Variants in IRAG2 observed in about 807,000 individuals in gnomAD.
IRAG2 encodes the protein inositol 1,4,5-triphosphate receptor associated 2, also known as lymphoid restricted membrane protein.
In IRAG2, 45 loss-of-function variants were observed where a neutral mutation model predicts 69.9. The ratio of observed to expected loss-of-function variants is 0.64; its 90% CI spans 0.51 to 0.83. The LOEUF (loss-of-function observed/expected upper bound fraction) is 0.83, where lower values mean the gene tolerates loss of function less well. Among genes scored for constraint, IRAG2 ranks in the 40% least tolerant of loss-of-function variants. The pLI, the probability that IRAG2 is intolerant of heterozygous loss-of-function variation, is 0.00. For synonymous variants in IRAG2, 193 were observed against 202.4 expected (o/e 0.95, Z 0.40); for missense variants, 520 against 587.0 (o/e 0.89, Z 1.18).
chr12:25,032,919 T>C (rs1312655054), intron 12 of IRAG2, among the ~76,000 whole-genome samples: 1 of 151,956 alleles, frequency 6.6e-6, no homozygotes, highest in Admixed American at 6.6e-5. Flanking sequence ...TTCCCTTGCT[T>C]GCTTTTCCCT....
chr12:25,056,471 TCTCA>T (rs1278908336), intron 1 of IRAG2, among the ~76,000 whole-genome samples: 3 of 152,298 alleles, frequency 2.0e-5, no homozygotes, highest in African/African-American at 2.4e-5. Flanking sequence ...AAACCTGTGT[TCTCA>T]CTCAAAGTCC....
intron 2 of IRAG2, among the ~76,000 whole-genome samples, chr12:25,062,201 G>A (rs1025590183): frequency 1.3e-5 from 2 of 152,160 alleles, no homozygotes; most frequent in African/African-American, 4.8e-5. Context: ...AAGGCAGCAA[G>A]GTTGGCACTG....
chr12:25,081,324 C>A (rs1274061279), intron 9 of IRAG2, among the ~76,000 whole-genome samples: 1 of 152,192 alleles, frequency 6.6e-6, no homozygotes, highest in Middle Eastern at 3.4e-3. Flanking sequence ...ATTAGCCAGG[C>A]GTGGTGGCGG....
chr12:25,102,073 G>A, intron 16 of IRAG2, 125 bp from the exon 17 acceptor site: 1 of 725,264 alleles, frequency 1.4e-6, no homozygotes, highest in South Asian at 1.5e-5. Context: ...TATTTATATT[G>A]CTCGGTAGTC....
the IRAG2 span, among the ~76,000 whole-genome samples, chr12:24,998,681 C>T: frequency 6.6e-6 from 1 of 151,688 alleles, no homozygotes; most frequent in African/African-American, 2.4e-5. Flanking sequence ...TATCTACACA[C>T]ATACTTAAAT....
At chr12:25,107,088 G>A in intron 21 of IRAG2, 38 bp downstream of exon 21, 1 of 1,183,524 alleles carries the variant, frequency 8.4e-7, no homozygotes, top group Non-Finnish European at 1.2e-6. Context: ...CATTTTAGTG[G>A]AATGGGAAAG....
intron 6 of IRAG2, among the ~76,000 whole-genome samples, chr12:25,073,127 T>C (rs2140049841): frequency 6.6e-6 from 1 of 152,362 alleles, no homozygotes; most frequent in South Asian, 2.1e-4. Flanking sequence ...CATTTCTCAA[T>C]GATCCAACTC....
chr12:25,049,309 C>A (rs1944821711), upstream of IRAG2, among the ~76,000 whole-genome samples: 1 of 152,140 alleles, frequency 6.6e-6, no homozygotes, highest in East Asian at 1.9e-4. Flanking sequence ...ATGGGAATAG[C>A]ATTGAATCTA....
chr12:25,052,616 A>G (rs1944911530), upstream of IRAG2: 1 of 397,350 alleles, frequency 2.5e-6, no homozygotes, highest in Admixed American at 4.4e-5. Flanking sequence ...CGCTGTAGAA[A>G]TAGCTCAGGC....
intron 3 of IRAG2, among the ~76,000 whole-genome samples, chr12:25,014,104 T>G (rs1944501515): frequency 6.6e-6 from 1 of 151,880 alleles, no homozygotes; most frequent in African/African-American, 2.4e-5. Context: ...CTCGATCTCC[T>G]GACCTCGTGA....
chr12:25,010,237 G>A (rs1443287139), intron 2 of IRAG2, among the ~76,000 whole-genome samples: 1 of 152,136 alleles, frequency 6.6e-6, no homozygotes, highest in African/African-American at 2.4e-5. Flanking sequence ...AGCACTTTGG[G>A]AGGCCCAGGC....
chr12:25,029,766 G>A (rs1473082773), intron 9 of IRAG2, among the ~76,000 whole-genome samples: 1 of 151,830 alleles, frequency 6.6e-6, no homozygotes, highest in African/African-American at 2.4e-5. Flanking sequence ...CTGCACCTTC[G>A]AACTCTGGGG....
At chr12:25,077,341 A>AATATATATATC (rs1196234718) in intron 6 of IRAG2, among the ~76,000 whole-genome samples, 1 of 55,320 alleles carries the variant, frequency 1.8e-5, no homozygotes, top group African/African-American at 8.5e-5. Context: ...ATATATATGA[A>AATATATATATC]ATATATATAT....
intron 1 of IRAG2, among the ~76,000 whole-genome samples, chr12:25,060,627 T>C (rs1945558966): frequency 6.6e-6 from 1 of 151,428 alleles, no homozygotes; most frequent in South Asian, 2.1e-4. Context: ...GATTTCTTTA[T>C]CAGTAGGAGG....
Position 25,082,330 on chromosome 12 carries a change from T to A in IRAG2, c.245-1093T>A, listed in dbSNP as rs143870576. On this transcript the variant is annotated intron_variant, in intron 9 of 21. Coordinates refer to ENST00000556887, the MANE Select transcript of IRAG2 (RefSeq NM_001366544.2). Reference sequence around the variant, plus strand: ...AAACTAAAGTAAGGGCTAGGCACGGTGCACATGCCTATAATTCCAGCACTT... The same window carrying A: ...AAACTAAAGTAAGGGCTAGGCACGGAGCACATGCCTATAATTCCAGCACTT... 3.7e-4 allele frequency among the ~76,000 whole-genome samples: 56 copies of A among 152,126 alleles called. 2 individuals are homozygous for A. The East Asian group carries it at 8.7e-3, about 24-fold the overall frequency.
At chr12:25,058,141 G>T (rs913604497) in intron 1 of IRAG2, among the ~76,000 whole-genome samples, 3 of 152,164 alleles carry the variant, frequency 2.0e-5, no homozygotes, top group Admixed American at 2.0e-4. Flanking sequence ...ACATAGCATA[G>T]CTGTGACTGT....
At chr12:25,009,765 G>A (rs1024448693) in intron 2 of IRAG2, among the ~76,000 whole-genome samples, 2 of 150,538 alleles carry the variant, frequency 1.3e-5, no homozygotes, top group South Asian at 2.1e-4. Context: ...CAGGCTTGAA[G>A]CAAGGAAGAG....
chr12:25,005,416 A>G (rs1159179615), intron 2 of IRAG2: 21 of 659,358 alleles, frequency 3.2e-5, no homozygotes, highest in Non-Finnish European at 3.9e-5. Context: ...TGAACTTTCT[A>G]TTGTGAGAGA....
chr12:25,090,267 C>T, intron 14 of IRAG2, 70 bp downstream of exon 14: 3 of 1,469,390 alleles, frequency 2.0e-6, no homozygotes, highest in Non-Finnish European at 2.8e-6. Context: ...CCTATAATCC[C>T]TGCACTTTGG....
Sources: allele counts gnomAD v4.1 joint callset (sites outside exome capture counted in the v4.1 genomes callset), GRCh38; gene constraint gnomAD v4.1.1; transcripts MANE v1.5; gene names NCBI Gene and HGNC (gene_info 2026-07-23, HGNC 2026-07-21).